The following PLCL1 variants were observed in gnomAD, a reference collection of about 807,000 sequenced individuals.
PLCL1 encodes inactive phospholipase C-like protein 1.
Under a neutral mutation model 84.4 loss-of-function variants are expected in PLCL1, and 41 were observed. The ratio of observed to expected loss-of-function variants is 0.49; its 90% CI spans 0.38 to 0.63. The LOEUF is 0.63. PLCL1 is among the 30% of genes least tolerant of loss of function. The probability of loss-of-function intolerance (pLI) is 0.00; values close to 1 mark genes in which losing one functional copy is unlikely to be tolerated. For synonymous variants in PLCL1, 490 were observed against 488.3 expected, an observed-to-expected ratio of 1.00 and a Z score of -0.05; for missense variants, 1,206 against 1,367.8, an observed-to-expected ratio of 0.88 and a Z score of 1.87.
chr2:197,831,975 G>A (rs1279940901), intron 1 of PLCL1, among the ~76,000 whole-genome samples: 2 of 152,118 alleles, frequency 1.3e-5, no homozygotes, highest in Non-Finnish European at 2.9e-5. Context: ...AAGACACAAT[G>A]TACCAGAATC....
intron 1 of PLCL1, among the ~76,000 whole-genome samples, chr2:197,831,259 G>A (rs1303323280): frequency 6.6e-6 from 1 of 152,070 alleles, no homozygotes; most frequent in African/African-American, 2.4e-5. Flanking sequence ...TCAGTGTGCT[G>A]TATTCAGGAG....
chr2:197,962,315 A>G (rs1689638640), intron 1 of PLCL1, among the ~76,000 whole-genome samples: 1 of 152,104 alleles, frequency 6.6e-6, no homozygotes, highest in African/African-American at 2.4e-5. Flanking sequence ...TATCTGTGTG[A>G]CCACTTGATT....
intron 1 of PLCL1, among the ~76,000 whole-genome samples, chr2:198,056,356 C>G (rs1026328645): frequency 6.6e-6 from 1 of 152,050 alleles, no homozygotes; most frequent in Admixed American, 6.6e-5. Context: ...GGTGTTTGAT[C>G]GGAATGCAAA....
chr2:197,805,363 G>C lies in PLCL1; in HGVS notation c.240+24G>C. ...AGGTAAGCAAAGCCGCGCCGCACCG[G>C]GAGCGTGGCTGTGGGTGATGGGTGG... On this transcript the variant is annotated intron_variant, in intron 1 of 5. Coordinates refer to ENST00000428675, the MANE Select transcript of PLCL1 (RefSeq NM_006226.4). The surrounding 1 kb of genome is among the most constrained non-coding windows in gnomAD (Gnocchi z 4.0). 7.5e-7 allele frequency: 1 copy of C among 1,337,092 alleles called. No individual in the cohort carries two copies. 82.8% of individuals were successfully genotyped at this position (1,337,092 alleles called of 1,614,324 possible). A position where few individuals can be genotyped will look rare whatever the true frequency, so the allele number is the denominator to read the frequency against.
In PLCL1 at chr2:197,805,417, T is replaced by A; in HGVS notation, c.240+78T>A. Reference sequence around the variant, plus strand: ...AGGGACCCGGGCAGGATGTGCGGTGTCCGGAGGCATCCGGGCTCAGCATTG... The same window carrying A: ...AGGGACCCGGGCAGGATGTGCGGTGACCGGAGGCATCCGGGCTCAGCATTG... On this transcript the variant is annotated intron_variant, in intron 1 of 5. Transcript: ENST00000428675. This position sits in a 1 kb window ranked among gnomAD's most constrained non-coding sequence, Gnocchi z 4.0. 1 of 1,210,036 alleles carries A rather than the reference T, an allele frequency of 8.3e-7. No homozygotes were observed. The highest frequency in any genetic ancestry group is 3.0e-5 in the South Asian group (1 of 33,100). 75.0% of individuals were successfully genotyped at this position (1,210,036 alleles called of 1,614,324 possible). A position where few individuals can be genotyped will look rare whatever the true frequency, so the allele number is the denominator to read the frequency against.
At chr2:197,950,604 C>A in intron 1 of PLCL1, among the ~76,000 whole-genome samples, 1 of 152,046 alleles carries the variant, frequency 6.6e-6, no homozygotes, top group South Asian at 2.1e-4. Flanking sequence ...AGAACCAGTG[C>A]CTTGAAAGTA....
intron 1 of PLCL1, among the ~76,000 whole-genome samples, chr2:197,873,757 A>G (rs1687689995): frequency 6.6e-6 from 1 of 152,134 alleles, no homozygotes; most frequent in Non-Finnish European, 1.5e-5. Flanking sequence ...CAATAGGAAA[A>G]TCCTAAAAAA....
intron 1 of PLCL1, among the ~76,000 whole-genome samples, chr2:197,914,613 G>A (rs919491739): frequency 6.6e-6 from 1 of 152,164 alleles, no homozygotes; most frequent in Non-Finnish European, 1.5e-5. Context: ...ACAGATGTGA[G>A]CCATTGTGCC....
At chr2:198,002,072 T>G (rs977111259) in intron 1 of PLCL1, 4 of 355,894 alleles carry the variant, frequency 1.1e-5, no homozygotes, top group African/African-American at 8.4e-5. Context: ...AAGGGCACAA[T>G]AAATGTAATG....
chr2:197,813,347 G>A (rs1287264264), intron 1 of PLCL1, among the ~76,000 whole-genome samples: 1 of 152,138 alleles, frequency 6.6e-6, no homozygotes, highest in Non-Finnish European at 1.5e-5. Context: ...GGTGACTAAT[G>A]TTTGGAAGTG....
At chr2:197,952,694 G>A (rs2105783312) in intron 1 of PLCL1, among the ~76,000 whole-genome samples, 1 of 152,226 alleles carries the variant, frequency 6.6e-6, no homozygotes, top group East Asian at 1.9e-4. Context: ...ATTCTCACAT[G>A]TTGTGGGAGG....
rs565548272 is a variant in PLCL1 at position 197,962,215 on chromosome 2, C to A, written c.241-121543C>A. ...GTCATTTAGGATGCCAATGTAGAGA[C>A]CACCCAGCATACCTATGAGCAGACT... is the stretch of plus-strand genomic sequence containing the variant. On this transcript the variant is annotated intron_variant, in intron 1 of 5. Transcript: ENST00000428675. Among the ~76,000 whole-genome samples, 6 of 152,140 alleles carry A rather than the reference C, an allele frequency of 3.9e-5. No individual in the cohort carries two copies. The East Asian group carries it at 1.2e-3, about 29-fold the overall frequency.
chr2:197,864,807 G>A (rs1450704508), intron 1 of PLCL1, among the ~76,000 whole-genome samples: 5 of 151,954 alleles, frequency 3.3e-5, no homozygotes, highest in Admixed American at 1.3e-4. Flanking sequence ...TATTTCAACC[G>A]GACACATTTT....
rs150771407 is a variant in PLCL1 at position 198,072,184 on chromosome 2, A to G, written c.241-11574A>G. 3.0e-3 allele frequency among the ~76,000 whole-genome samples: 463 copies of G among 151,956 alleles called. 1 individual carries two copies. Among genetic ancestry groups the G allele is most frequent in the African/African-American group, 0.011 (438 of 41,534 alleles). On this transcript the variant is annotated intron_variant, in intron 1 of 5. Transcript: ENST00000428675. ...AAATAAAATTATATAAGTTTTGCAC[A>G]TATCTTGTTAAGTTTATTCTTGACT...
chr2:197,894,528 T>G (rs1688095921), intron 1 of PLCL1, among the ~76,000 whole-genome samples: 1 of 151,962 alleles, frequency 6.6e-6, no homozygotes, highest in African/African-American at 2.4e-5. Flanking sequence ...GCTCATTTTT[T>G]TTTGGGTGCA....
intron 1 of PLCL1, among the ~76,000 whole-genome samples, chr2:197,840,511 G>A (rs1686974104): frequency 6.6e-6 from 1 of 152,092 alleles, no homozygotes; most frequent in African/African-American, 2.4e-5. Context: ...ACCCTTTCAA[G>A]CTACTTCGCT....
intron 5 of PLCL1, among the ~76,000 whole-genome samples, chr2:198,134,315 T>C (rs1258930903): frequency 2.0e-5 from 3 of 152,214 alleles, no homozygotes; most frequent in South Asian, 2.1e-4. Flanking sequence ...CGAGAGTGAA[T>C]ATCTCATTAA....
At chr2:197,831,717 A>G (rs979670310) in intron 1 of PLCL1, among the ~76,000 whole-genome samples, 1 of 152,190 alleles carries the variant, frequency 6.6e-6, no homozygotes. Context: ...CAGAATATAC[A>G]TTCTTCTCAG....
chr2:197,886,116 A>G (rs1687917651), intron 1 of PLCL1, among the ~76,000 whole-genome samples: 1 of 152,168 alleles, frequency 6.6e-6, no homozygotes. Flanking sequence ...CATATCCTTT[A>G]AAGTAAAATT....
Sources: allele counts gnomAD v4.1 joint callset (sites outside exome capture counted in the v4.1 genomes callset), GRCh38; gene constraint gnomAD v4.1.1; non-coding constraint Gnocchi (gnomAD v3.1); transcripts MANE v1.5; gene names NCBI Gene and HGNC (gene_info 2026-07-23, HGNC 2026-07-21).